The following ANO2 variants were observed in gnomAD, a reference collection of about 807,000 sequenced individuals.
ANO2 encodes the protein anoctamin-2.
Under a neutral mutation model 124.2 loss-of-function variants are expected in ANO2, and 101 were observed. That is an observed-to-expected ratio of 0.81 (90% CI 0.69 to 0.96). The LOEUF (loss-of-function observed/expected upper bound fraction) is 0.96. ANO2 is among the 40% of genes least tolerant of loss of function. The pLI is 0.00. For synonymous variants in ANO2, 486 were observed against 482.5 expected, an observed-to-expected ratio of 1.01 and a Z score of -0.09; for missense variants, 1,293 against 1,274.5, an observed-to-expected ratio of 1.01 and a Z score of -0.22.
chr12:5,649,834 C>T (rs145973722), intron 14 of ANO2, among the ~76,000 whole-genome samples: 37 of 151,848 alleles, frequency 2.4e-4, no homozygotes, highest in Admixed American at 6.6e-4. Context: ...TTAGTAAAGA[C>T]GGGATTTCAC....
rs112591865 is a variant in ANO2 at position 5,575,084 on chromosome 12, T to C, written c.2621+750A>G. Among the ~76,000 whole-genome samples the C allele has an allele frequency of 7.0e-3, 1,064 of 152,236 alleles. 20 individuals carry two copies. Among genetic ancestry groups the C allele is most frequent in the African/African-American group, 0.024 (989 of 41,550 alleles). ...CTCCCCACCTAGAATGTTTTTCTTT[T>C]CTCTCTTACAACACCTAGCTGCCCC... On this transcript the variant is annotated intron_variant, in intron 23 of 24. Transcript: ENST00000682330.
At position 5,851,383 on chromosome 12, in the gene ANO2, A is replaced by T. The variant is rs142614454; in HGVS notation, c.633+2660T>A. On this transcript the variant is annotated intron_variant, in intron 4 of 24. Transcript: ENST00000682330. ...GAGTGAGGAGGAGAAGGTGGCAGAA[A>T]GACAAGAGATGTAGAGGTGTCTGGC... 3.2e-3 allele frequency among the ~76,000 whole-genome samples: 493 copies of T among 152,272 alleles called. 5 individuals carry two copies. Among genetic ancestry groups the T allele is most frequent in the African/African-American group, 0.011 (459 of 41,568 alleles).
rs533999272 is a variant in ANO2 at position 5,799,685 on chromosome 12, C to A, written c.991-114G>T. 241 of 915,994 alleles carry A rather than the reference C, an allele frequency of 2.6e-4. 1 individual carries two copies. The South Asian group carries it at 3.4e-3, about 13-fold the overall frequency. 56.7% of individuals were successfully genotyped at this position (915,994 alleles called of 1,614,324 possible). The stretch of plus-strand genomic sequence containing the variant: ...CCCAAAGTCCAGCTTCTAAGAAATT[C>A]TCATGAGACATCCAGGGGGAGATGT... On this transcript the variant is annotated intron_variant, in intron 9 of 24. Transcript: ENST00000682330.
intron 3 of ANO2, among the ~76,000 whole-genome samples, chr12:5,895,906 C>T (rs10161036): frequency 0.11 from 16,762 of 151,818 alleles, 2,128 homozygotes; most frequent in African/African-American, 0.31. Context: ...AACCAATGAG[C>T]GAATAAAGAA....
intron 3 of ANO2, among the ~76,000 whole-genome samples, chr12:5,876,393 T>C (rs945419711): frequency 2.0e-5 from 3 of 152,188 alleles, no homozygotes; most frequent in African/African-American, 7.2e-5. Flanking sequence ...GAGTGTAAAT[T>C]AGTTCAACCA....
intron 10 of ANO2, among the ~76,000 whole-genome samples, chr12:5,797,170 T>C (rs1459329491): frequency 6.6e-6 from 1 of 152,152 alleles, no homozygotes; most frequent in Non-Finnish European, 1.5e-5. Flanking sequence ...GGAGCAAAAC[T>C]GTCATGGTGT....
intron 3 of ANO2, among the ~76,000 whole-genome samples, chr12:5,857,953 A>G (rs768710760): frequency 1.3e-5 from 2 of 152,188 alleles, no homozygotes; most frequent in African/African-American, 2.4e-5. Context: ...GTTCTCCCTC[A>G]TATGTGGAAA....
chr12:5,927,580 T>C (rs1195486836), intron 1 of ANO2, among the ~76,000 whole-genome samples: 2 of 152,236 alleles, frequency 1.3e-5, no homozygotes, highest in Admixed American at 1.3e-4. Context: ...CCATCTACCA[T>C]CAGGGCTTCC....
intron 7 of ANO2, among the ~76,000 whole-genome samples, chr12:5,817,336 T>G (rs1032785532): frequency 1.3e-5 from 2 of 152,222 alleles, no homozygotes; most frequent in African/African-American, 4.8e-5. Context: ...GACCAGAAAC[T>G]GCTGTGGGAC....
At chr12:5,821,191 A>G (rs1953785453) in intron 7 of ANO2, among the ~76,000 whole-genome samples, 1 of 152,210 alleles carries the variant, frequency 6.6e-6, no homozygotes, top group Non-Finnish European at 1.5e-5. Context: ...AGGGGATGGG[A>G]AAAAAATCTG....
chr12:5,592,532 C>G (rs775153062), intron 20 of ANO2, among the ~76,000 whole-genome samples: 5 of 152,174 alleles, frequency 3.3e-5, no homozygotes, highest in Non-Finnish European at 7.3e-5. Flanking sequence ...TTGGGATGAC[C>G]TCATCTGCTG....
chr12:5,806,109 G>A lies in ANO2; in HGVS notation c.949-16C>T. Reference sequence around the variant, plus strand: ...CGTATTCACCCTGTGGAGAAAAAGTGATGCTGGATAAAGCCAATGAAATTA... The same window carrying A: ...CGTATTCACCCTGTGGAGAAAAAGTAATGCTGGATAAAGCCAATGAAATTA... On this transcript the variant is annotated splice_polypyrimidine_tract_variant and intron_variant, in intron 8 of 24. Transcript: ENST00000682330. 3 of 1,612,360 alleles carry A rather than the reference G, an allele frequency of 1.9e-6. No individual in the cohort carries two copies. Among genetic ancestry groups the A allele is most frequent in the East Asian group, 2.2e-5 (1 of 44,818 alleles).
At chr12:5,710,634 G>A (rs138274717) in intron 14 of ANO2, among the ~76,000 whole-genome samples, 4 of 152,168 alleles carry the variant, frequency 2.6e-5, no homozygotes, top group East Asian at 3.9e-4. Context: ...TTCAAAGGAC[G>A]GCTTTATTTA....
Position 5,739,410 on chromosome 12 carries a change from A to G in ANO2, c.1352-11T>C. On this transcript the variant is annotated splice_polypyrimidine_tract_variant and intron_variant, in intron 12 of 24. Coordinates refer to ENST00000682330, the MANE Select transcript of ANO2 (RefSeq NM_001364791.2). ...CCAGGAACATGGTAGCTTAAAAAGA[A>G]CAACAAGAACAAAAACCTTGATTAT... The G allele has an allele frequency of 6.3e-7, 1 of 1,582,374 alleles. No individual in the cohort carries two copies. The highest frequency in any genetic ancestry group is 1.2e-5 in the South Asian group (1 of 86,162).
At chr12:5,610,983 T>TTTTTTTTTTTTTTTTTTTTTTTTTG (rs1555100751) in intron 19 of ANO2, among the ~76,000 whole-genome samples, 1 of 121,658 alleles carries the variant, frequency 8.2e-6, no homozygotes, top group Non-Finnish European at 1.8e-5. Flanking sequence ...TTTTTTTTTT[T>TTTTTTTTTTTTTTTTTTTTTTTTTG]TTTTTTGAGA....
At chr12:5,610,990 G>GTTTTTTT (rs1944521357) in intron 19 of ANO2, among the ~76,000 whole-genome samples, 6 of 27,072 alleles carry the variant, frequency 2.2e-4, no homozygotes, top group African/African-American at 7.2e-4. Context: ...TTTTTTTTTT[G>GTTTTTTT]AGACAGAGTC....
intron 10 of ANO2, among the ~76,000 whole-genome samples, chr12:5,788,376 T>C (rs1195355176): frequency 1.3e-5 from 2 of 152,238 alleles, no homozygotes; most frequent in Non-Finnish European, 2.9e-5. Context: ...TCATTATTAA[T>C]AGCTCTCACT....
chr12:5,901,973 C>T (rs538645263), intron 3 of ANO2, among the ~76,000 whole-genome samples: 2 of 152,240 alleles, frequency 1.3e-5, no homozygotes, highest in South Asian at 2.1e-4. Flanking sequence ...GGAGGGATTT[C>T]GGTTAGATCT....
intron 2 of ANO2, 130 bp downstream of exon 2, chr12:5,922,490 C>T: frequency 1.9e-6 from 2 of 1,074,674 alleles, no homozygotes; most frequent in Non-Finnish European, 2.6e-6. Flanking sequence ...AAAGGCCCTA[C>T]CCAAACCTAG....
Sources: gnomAD v4.1 joint callset for allele counts (sites outside exome capture counted in the v4.1 genomes callset) on GRCh38, gnomAD v4.1.1 for gene constraint, MANE v1.5 for transcripts, NCBI Gene and HGNC (gene_info 2026-07-23, HGNC 2026-07-21) for gene names.